Variants in MAGI2 observed in about 807,000 individuals in gnomAD.
The protein encoded by MAGI2 is membrane-associated guanylate kinase, WW and PDZ domain-containing protein 2.
MAGI2 carries 35 observed loss-of-function variants against 133.3 expected under a neutral mutation model. The observed-to-expected ratio is 0.26, with a 90% confidence interval of 0.20 to 0.35. The LOEUF is 0.35. Among genes scored for constraint, MAGI2 ranks in the 10% least tolerant of loss-of-function variants. The pLI is 1.00. For synonymous variants in MAGI2, 729 were observed against 710.6 expected (o/e 1.03, Z -0.41); for missense variants, 1,636 against 1,863.4 (o/e 0.88, Z 2.25).
At chr7:78,563,304 T>C (rs1157012313) in intron 3 of MAGI2, among the ~76,000 whole-genome samples, 1 of 152,180 alleles carries the variant, frequency 6.6e-6, no homozygotes, top group East Asian at 1.9e-4. Flanking sequence ...TTATTTGGGC[T>C]ACTGAAAGGA....
At chr7:78,325,789 T>C (rs73152071) in intron 9 of MAGI2, among the ~76,000 whole-genome samples, 7,091 of 152,256 alleles carry the variant, frequency 0.047, 260 homozygotes, top group African/African-American at 0.089. Flanking sequence ...AGCCCATTGG[T>C]GCAGTGAATA....
At chr7:78,149,230 A>T (rs1043281343) in intron 16 of MAGI2, among the ~76,000 whole-genome samples, 1 of 152,306 alleles carries the variant, frequency 6.6e-6, no homozygotes. Flanking sequence ...ATATTGCAGA[A>T]AGTTCTGCTG....
chr7:79,299,386 C>T (rs1038877792), intron 1 of MAGI2, among the ~76,000 whole-genome samples: 12 of 151,188 alleles, frequency 7.9e-5, no homozygotes, highest in Admixed American at 6.6e-4. Flanking sequence ...CAGGAGATGG[C>T]CTGGAAATGT....
chr7:78,070,196 T>C (rs74769919), intron 21 of MAGI2, among the ~76,000 whole-genome samples: 3,040 of 33,018 alleles, frequency 0.092, 197 homozygotes, highest in African/African-American at 0.2. Context: ...TATATATATA[T>C]ATATATATAT....
chr7:78,785,895 C>T (rs989765070), intron 2 of MAGI2, among the ~76,000 whole-genome samples: 13 of 152,176 alleles, frequency 8.5e-5, no homozygotes, highest in African/African-American at 3.1e-4. Flanking sequence ...TGCCTGGACA[C>T]TTCCTTGGTG....
chr7:78,578,335 A>G (rs960461624), intron 3 of MAGI2, among the ~76,000 whole-genome samples: 4 of 152,150 alleles, frequency 2.6e-5, no homozygotes. Flanking sequence ...ATAAAGGACA[A>G]TGTACATAGT....
At chr7:79,343,960 T>C (rs755880244) in intron 1 of MAGI2, among the ~76,000 whole-genome samples, 2 of 152,172 alleles carry the variant, frequency 1.3e-5, no homozygotes, top group Non-Finnish European at 2.9e-5. Flanking sequence ...AAAAATATAA[T>C]GTATAGACTT....
At position 78,163,282 on chromosome 7, in the gene MAGI2, C is replaced by T. The variant is rs144879696; in HGVS notation, c.2597-3009G>A. Among the ~76,000 whole-genome samples the T allele has an allele frequency of 7.1e-3, 1,083 of 152,156 alleles. 7 individuals carry two copies. The highest frequency in any genetic ancestry group is 0.024 in the African/African-American group (992 of 41,522). On this transcript the variant is annotated intron_variant, in intron 15 of 21. Coordinates refer to ENST00000354212, the MANE Select transcript of MAGI2 (RefSeq NM_012301.4). Reference sequence around the variant, plus strand: ...CCTCCCGAGTAGCTGAGACTACAGGCGTCCGCCACCACGCCCGGCTAATTT... The same window carrying T: ...CCTCCCGAGTAGCTGAGACTACAGGTGTCCGCCACCACGCCCGGCTAATTT...
At chr7:78,403,012 A>T (rs1797034280) in intron 6 of MAGI2, among the ~76,000 whole-genome samples, 1 of 151,748 alleles carries the variant, frequency 6.6e-6, no homozygotes, top group South Asian at 2.1e-4. Flanking sequence ...TTTTTTTTTA[A>T]AATTATACTT....
intron 1 of MAGI2, among the ~76,000 whole-genome samples, chr7:79,429,087 A>G (rs985316765): frequency 3.3e-5 from 5 of 152,150 alleles, no homozygotes; most frequent in Admixed American, 1.3e-4. Flanking sequence ...GCCCATATCT[A>G]TAATGCTTCA....
intron 3 of MAGI2, among the ~76,000 whole-genome samples, chr7:78,567,317 C>G (rs956730175): frequency 6.6e-6 from 1 of 151,916 alleles, no homozygotes; most frequent in African/African-American, 2.4e-5. Context: ...ATAACTGAAT[C>G]TGACACACAA....
intron 1 of MAGI2, among the ~76,000 whole-genome samples, chr7:79,439,466 AC>A (rs1476751168): frequency 6.6e-6 from 1 of 151,906 alleles, no homozygotes; most frequent in Non-Finnish European, 1.5e-5. Flanking sequence ...TCTATATTAT[AC>A]CCCTCTGCTT....
At chr7:78,038,543 G>A (rs1810477676) in intron 21 of MAGI2, among the ~76,000 whole-genome samples, 1 of 151,054 alleles carries the variant, frequency 6.6e-6, no homozygotes. Context: ...GTCCTCTGTG[G>A]ACCACATCAC....
chr7:78,867,696 TAAAGAAAG>T (rs142730742), intron 2 of MAGI2, among the ~76,000 whole-genome samples: 124 of 149,730 alleles, frequency 8.3e-4, no homozygotes, highest in East Asian at 3.6e-3. Context: ...ATAATAATAA[TAAAGAAAG>T]AAAGAAAGAA....
intron 1 of MAGI2, among the ~76,000 whole-genome samples, chr7:79,280,090 T>C (rs1345533105): frequency 2.0e-5 from 3 of 152,216 alleles, no homozygotes; most frequent in African/African-American, 7.2e-5. Context: ...GTAGATTTAG[T>C]ACATAGCTAC....
intron 4 of MAGI2, among the ~76,000 whole-genome samples, chr7:78,504,200 A>G (rs185846507): frequency 1.3e-5 from 2 of 152,346 alleles, no homozygotes; most frequent in African/African-American, 4.8e-5. Context: ...AGCTGTCATC[A>G]GTAGGCACTT....
At chr7:78,459,547 C>T (rs112583655) in intron 6 of MAGI2, among the ~76,000 whole-genome samples, 3,791 of 152,238 alleles carry the variant, frequency 0.025, 77 homozygotes, top group Middle Eastern at 0.071. Flanking sequence ...ACATATTCCA[C>T]GAATTTAATA....
intron 1 of MAGI2, among the ~76,000 whole-genome samples, chr7:79,439,479 T>G (rs2129195156): frequency 6.6e-6 from 1 of 152,244 alleles, no homozygotes; most frequent in South Asian, 2.1e-4. Flanking sequence ...CCTCTGCTTC[T>G]TCCTGTCCCT....
At chr7:78,528,729 A>G (rs1477560003) in intron 3 of MAGI2, among the ~76,000 whole-genome samples, 1 of 152,170 alleles carries the variant, frequency 6.6e-6, no homozygotes, top group Admixed American at 6.5e-5. Flanking sequence ...ACAAAAATAT[A>G]TCATTTCCTC....
Sources: gnomAD v4.1 joint callset for allele counts (sites outside exome capture counted in the v4.1 genomes callset) on GRCh38, gnomAD v4.1.1 for gene constraint, MANE v1.5 for transcripts, NCBI Gene and HGNC (gene_info 2026-07-23, HGNC 2026-07-21) for gene names.